Variants in UBA52 observed in about 807,000 individuals in gnomAD.
The protein encoded by UBA52 is ubiquitin A-52 residue ribosomal protein fusion product 1.
Under a neutral mutation model 15.3 loss-of-function variants are expected in UBA52, and 1 was observed. That is an observed-to-expected ratio of 0.07 (90% CI 0.02 to 0.31). The LOEUF is 0.31. Among genes scored for constraint, UBA52 ranks in the 10% least tolerant of loss-of-function variants. The probability of loss-of-function intolerance (pLI) is 1.00; values close to 1 mark genes in which losing one functional copy is unlikely to be tolerated. For synonymous variants in UBA52, 50 were observed against 58.3 expected (o/e 0.86, Z 0.65); for missense variants, 87 against 168.0 (o/e 0.52, Z 2.66).
At chr19:18,572,968 T>C (rs1018264746) in intron 1 of UBA52, 32 of 1,168,178 alleles carry the variant, frequency 2.7e-5, no homozygotes, top group Admixed American at 4.1e-5. Context: ...AGGGTACTTA[T>C]TCCATCAGGA....
At chr19:18,568,584 A>G (rs762186354), upstream of UBA52, 1 of 1,613,298 alleles carries the variant, frequency 6.2e-7, no homozygotes, top group East Asian at 2.2e-5. Context: ...CTCCCCAGCC[A>G]TCAACGGCCG....
chr19:18,574,135 T>G (rs1471102484), intron 3 of UBA52, among the ~76,000 whole-genome samples: 1 of 151,156 alleles, frequency 6.6e-6, no homozygotes, highest in Admixed American at 6.6e-5. Context: ...AATACAAAAA[T>G]TAGCTAGGCA....
At chr19:18,571,497 C>T (rs1420065596), upstream of UBA52, among the ~76,000 whole-genome samples, 1 of 152,216 alleles carries the variant, frequency 6.6e-6, no homozygotes, top group African/African-American at 2.4e-5. Context: ...AGCCCCGACT[C>T]CTGCGTCCTG....
At chr19:18,563,978 C>G in the UBA52 span, among the ~76,000 whole-genome samples, 2 of 151,832 alleles carry the variant, frequency 1.3e-5, no homozygotes, top group Non-Finnish European at 2.9e-5. Context: ...TGTCCGCCTC[C>G]CGGGTTCAAA....
the UBA52 span, among the ~76,000 whole-genome samples, chr19:18,564,388 G>A: frequency 5.6e-4 from 85 of 152,120 alleles, no homozygotes; most frequent in African/African-American, 2.0e-3. Context: ...TTGGGAGGCC[G>A]AGGTGGGTGG....
rs1472612098 is a variant in UBA52, at chr19:18,575,311, T to A, written c.*161T>A. On this transcript the variant is annotated 3_prime_UTR_variant, in exon 5 of 5. Transcript: ENST00000442744. ...TGGGCATCTCCCTTAGGGACTCTAC[T>A]CAGCACTCCATTCTGTGCCACCTGT... 6.6e-6 allele frequency: 5 copies of A among 759,098 alleles called. No individual in the cohort carries two copies. The highest frequency in any genetic ancestry group is 8.5e-6 in the Non-Finnish European group (4 of 468,644). The allele number at this position is 759,098 out of a possible 1,614,324, so 47.0% of individuals were successfully genotyped here.
chr19:18,574,849 C>T (rs1163572813), intron 3 of UBA52, 21 bp from the exon 4 acceptor site: 1 of 1,611,714 alleles, frequency 6.2e-7, no homozygotes, highest in Non-Finnish European at 8.5e-7. Flanking sequence ...CAGTCGCCGT[C>T]CTTCTGGCTG....
At chr19:18,571,001 C>T (rs901647643), upstream of UBA52, among the ~76,000 whole-genome samples, 1 of 151,492 alleles carries the variant, frequency 6.6e-6, no homozygotes, top group African/African-American at 2.4e-5. Context: ...TTTTTAACCA[C>T]CCACAAATCT....
rs779103490 is a variant in UBA52 at position 18,575,049 on chromosome 19, C to T, written c.294-8C>T. 13 of 1,614,110 alleles carry T rather than the reference C, an allele frequency of 8.1e-6. No homozygotes were observed. Among genetic ancestry groups the T allele is most frequent in the African/African-American group, 1.3e-5 (1 of 74,940 alleles). On this transcript the variant is annotated splice_region_variant and splice_polypyrimidine_tract_variant and intron_variant, in intron 4 of 4. Coordinates refer to ENST00000442744, the MANE Select transcript of UBA52 (RefSeq NM_001033930.3). ...ATGCCCTCACCCACCCCTCCTGTCTCTGTGCAGGTGCTATGCTCGCCTTCA... is the reference window on the plus strand; with the variant it reads ...ATGCCCTCACCCACCCCTCCTGTCTTTGTGCAGGTGCTATGCTCGCCTTCA...
the UBA52 span, among the ~76,000 whole-genome samples, chr19:18,565,825 C>T: frequency 4.6e-5 from 7 of 152,104 alleles, no homozygotes; most frequent in Admixed American, 2.6e-4. Flanking sequence ...GTAGCTGGGA[C>T]TACAGGCGCA....
upstream of UBA52, chr19:18,569,397 T>G (rs963742841): frequency 6.5e-6 from 1 of 152,764 alleles, no homozygotes; most frequent in Non-Finnish European, 1.5e-5. Context: ...AGCTGTGGCT[T>G]CTTCAGTCCT....
In UBA52 at chr19:18,575,811, G is replaced by A. The variant is rs7254004; in HGVS notation, c.*661G>A. The A allele has an allele frequency of 0.5, 76,306 of 153,136 alleles. 20,137 individuals are homozygous for A. The highest frequency in any genetic ancestry group is 0.66 in the East Asian group (3,412 of 5,190). The allele number at this position is 153,136 out of a possible 1,614,324, so 9.5% of individuals were successfully genotyped here. A position where few individuals can be genotyped will look rare whatever the true frequency, so the allele number is the denominator to read the frequency against. ...GCCCAGGCTGGAGTGCAGTGGCGCA[G>A]TCTCGGCTTACTACAACCTCTGCCT... On this transcript the variant is annotated 3_prime_UTR_variant, in exon 5 of 5. Coordinates refer to ENST00000442744, the MANE Select transcript of UBA52 (RefSeq NM_001033930.3).
upstream of UBA52, chr19:18,571,753 G>A (rs1975487320): frequency 6.6e-6 from 1 of 152,310 alleles, no homozygotes; most frequent in Non-Finnish European, 1.5e-5. Flanking sequence ...CAAGATGGCG[G>A]CAGGGCGGGG....
Position 18,574,756 on chromosome 19 carries a change from G to T in UBA52, c.191-114G>T. On this transcript the variant is annotated intron_variant, in intron 3 of 4. Transcript: ENST00000442744. ...AGAACACTCGGGGGATCCCGACTTG[G>T]TGTCCCCATCACACTTGAGAAAGCA... 3.0e-6 allele frequency: 4 copies of T among 1,316,402 alleles called. No homozygotes were observed. The Admixed American group carries it at 9.1e-5, about 30-fold the overall frequency. 81.5% of individuals were successfully genotyped at this position (1,316,402 alleles called of 1,614,324 possible).
At chr19:18,573,831 A>G (rs1440762106) in intron 3 of UBA52, 83 bp downstream of exon 3, 1 of 1,316,240 alleles carries the variant, frequency 7.6e-7, no homozygotes, top group Non-Finnish European at 1.1e-6. Flanking sequence ...GGGGTTGGGG[A>G]GCAGTTCAAA....
In UBA52 at chr19:18,576,524, C is replaced by T. The variant is rs1975788980; in HGVS notation, c.*1374C>T. 1 of 152,064 alleles carries T rather than the reference C, an allele frequency of 6.6e-6. No homozygotes were observed. Among genetic ancestry groups the T allele is most frequent in the African/African-American group, 2.4e-5 (1 of 41,350 alleles). The allele number at this position is 152,064 out of a possible 1,614,324, so 9.4% of individuals were successfully genotyped here. A position where few individuals can be genotyped will look rare whatever the true frequency, so the allele number is the denominator to read the frequency against. The stretch of plus-strand genomic sequence containing the variant: ...ATCTCCCAGGATCTTGCCTCAGCCT[C>T]CCGAGTAGCTGGGACTGCATGCTTG... On this transcript the variant is annotated 3_prime_UTR_variant, in exon 5 of 5. Coordinates refer to ENST00000442744, the MANE Select transcript of UBA52 (RefSeq NM_001033930.3).
upstream of UBA52, chr19:18,568,614 G>T (rs1371809180): frequency 6.2e-7 from 1 of 1,611,016 alleles, no homozygotes; most frequent in African/African-American, 1.3e-5. Context: ...AGATGACGAG[G>T]AGATGACGGG....
chr19:18,571,370 C>T (rs973584300), upstream of UBA52, among the ~76,000 whole-genome samples: 2 of 151,860 alleles, frequency 1.3e-5, no homozygotes. Flanking sequence ...GGCACCACCA[C>T]CTTTCTGGGC....
Position 18,573,423 on chromosome 19 carries a change from G to T in UBA52, c.103+20G>T, listed in dbSNP as rs767099832. The T allele has an allele frequency of 3.7e-6, 6 of 1,604,116 alleles. No homozygotes were observed. In the East Asian group the frequency reaches 1.3e-4, roughly 36 times the overall value. On this transcript the variant is annotated intron_variant, in intron 2 of 4. Transcript: ENST00000442744. The stretch of plus-strand genomic sequence containing the variant: ...AGGAGGGTGAGTAGGGCTGGGTGTG[G>T]GGGCTCTGGCTGTGAACTGGGAGTC...
Sources: gnomAD v4.1 joint callset for allele counts (sites outside exome capture counted in the v4.1 genomes callset) on GRCh38, gnomAD v4.1.1 for gene constraint, MANE v1.5 for transcripts, NCBI Gene and HGNC (gene_info 2026-07-23, HGNC 2026-07-21) for gene names.